Variants in DNAJC1 observed in about 807,000 individuals in gnomAD.
DNAJC1 encodes DnaJ heat shock protein family (Hsp40) member C1.
Under a neutral mutation model 76.6 loss-of-function variants are expected in DNAJC1, and 58 were observed. That is an observed-to-expected ratio of 0.76 (90% CI 0.61 to 0.94). The LOEUF (loss-of-function observed/expected upper bound fraction) is 0.94. DNAJC1 is among the 40% of genes least tolerant of loss of function. The pLI is 0.00. For missense variants in DNAJC1, 689 were observed against 677.3 expected (o/e 1.02, Z -0.19); for synonymous variants, 258 against 267.9 (o/e 0.96, Z 0.36).
intron 8 of DNAJC1, among the ~76,000 whole-genome samples, chr10:21,820,454 T>C (rs1462199669): frequency 6.6e-6 from 1 of 152,208 alleles, no homozygotes; most frequent in Non-Finnish European, 1.5e-5. Flanking sequence ...ACTTTCAAAC[T>C]GTGTTTTTCC....
Position 21,759,444 on chromosome 10 carries a change from C to T in DNAJC1, c.1322G>A (p.Arg441Gln), listed in dbSNP as rs199749424. 1.1e-4 allele frequency: 176 copies of T among 1,614,156 alleles called. 2 individuals carry two copies. Among genetic ancestry groups the T allele is most frequent in the Admixed American group, 2.7e-4 (16 of 60,030 alleles). The change falls in exon 11 of 12, where the codon CGG becomes CAG. Residue 441 changes from arginine (R) to glutamine (Q), a missense_variant. Physicochemically the swap from Arg to Gln is conservative, Grantham distance 43. Transcript: ENST00000376980. ...CCTGGCTGGCTTCCGCCTCCGAGGC[C>T]GGGCATCAGTGGCCCCGGTCTCCTG... ...GEQETGATDA[R>Q]PRRRKPARLL...
At chr10:21,907,686 T>C (rs1267438283) in intron 6 of DNAJC1, among the ~76,000 whole-genome samples, 1 of 152,006 alleles carries the variant, frequency 6.6e-6, no homozygotes, top group East Asian at 1.9e-4. Context: ...TGGATCAATA[T>C]GAGGAAGAAG....
chr10:21,920,582 A>AT, intron 4 of DNAJC1: 1 of 374,762 alleles, frequency 2.7e-6, no homozygotes, highest in Non-Finnish European at 4.5e-6. Context: ...ACAAAGTTTT[A>AT]TAACAAACTT....
chr10:21,839,704 C>G (rs1044603791), intron 8 of DNAJC1, among the ~76,000 whole-genome samples: 1 of 152,154 alleles, frequency 6.6e-6, no homozygotes, highest in African/African-American at 2.4e-5. Flanking sequence ...CCTTCTGAAA[C>G]TATTCCAATC....
intron 1 of DNAJC1, among the ~76,000 whole-genome samples, chr10:21,999,748 C>T (rs1283426544): frequency 1.3e-5 from 2 of 152,144 alleles, no homozygotes; most frequent in African/African-American, 2.4e-5. Flanking sequence ...CCACCACACC[C>T]GGCTCCTTGA....
At chr10:21,954,972 A>G (rs770306041) in intron 1 of DNAJC1, among the ~76,000 whole-genome samples, 1 of 152,112 alleles carries the variant, frequency 6.6e-6, no homozygotes, top group African/African-American at 2.4e-5. Flanking sequence ...CCTTGGCACT[A>G]TTGACATTTC....
At chr10:21,932,373 T>C (rs551106996) in intron 1 of DNAJC1, among the ~76,000 whole-genome samples, 2 of 152,068 alleles carry the variant, frequency 1.3e-5, no homozygotes, top group Admixed American at 1.3e-4. Flanking sequence ...CTGAAAATAA[T>C]GTAAGCTTAT....
intron 8 of DNAJC1, among the ~76,000 whole-genome samples, chr10:21,836,962 C>A (rs1835470898): frequency 6.6e-6 from 1 of 152,218 alleles, no homozygotes; most frequent in African/African-American, 2.4e-5. Flanking sequence ...TGATGCCGAG[C>A]CGAAGCTAGA....
At chr10:21,902,511 T>C (rs1333328045) in intron 7 of DNAJC1, among the ~76,000 whole-genome samples, 1 of 152,056 alleles carries the variant, frequency 6.6e-6, no homozygotes, top group African/African-American at 2.4e-5. Context: ...CACCATGTTG[T>C]CCAGGTGGGT....
At chr10:21,982,879 T>G (rs181234984) in intron 1 of DNAJC1, among the ~76,000 whole-genome samples, 1 of 152,284 alleles carries the variant, frequency 6.6e-6, no homozygotes, top group Non-Finnish European at 1.5e-5. Flanking sequence ...ATTGTGACCC[T>G]TTCTCTACAA....
chr10:21,779,838 A>G (rs567141888), intron 9 of DNAJC1, among the ~76,000 whole-genome samples: 1 of 152,268 alleles, frequency 6.6e-6, no homozygotes, highest in Non-Finnish European at 1.5e-5. Flanking sequence ...AAGAAGCTAA[A>G]AACCTTGAAA....
At chr10:21,912,403 C>T (rs543693707) in intron 6 of DNAJC1, among the ~76,000 whole-genome samples, 1 of 152,192 alleles carries the variant, frequency 6.6e-6, no homozygotes, top group East Asian at 1.9e-4. Flanking sequence ...TTACAAAACT[C>T]TATAGTCTGT....
rs1005433148 is a variant in DNAJC1, at chr10:21,796,667, T to A, written c.1098+9313A>T. On this transcript the variant is annotated intron_variant, in intron 9 of 11. Coordinates refer to ENST00000376980, the MANE Select transcript of DNAJC1 (RefSeq NM_022365.4). Reference sequence around the variant, plus strand: ...GTCCTAAGAGGTGTGAAGTATCTTATTGTCATTTTGATTTCTATTTCCCTA... The same window carrying A: ...GTCCTAAGAGGTGTGAAGTATCTTAATGTCATTTTGATTTCTATTTCCCTA... Among the ~76,000 whole-genome samples, 6 of 152,184 alleles carry A rather than the reference T, an allele frequency of 3.9e-5. No individual in the cohort carries two copies. The East Asian group carries it at 9.6e-4, about 24-fold the overall frequency.
At chr10:21,833,337 G>A (rs1454800569) in intron 8 of DNAJC1, among the ~76,000 whole-genome samples, 1 of 152,158 alleles carries the variant, frequency 6.6e-6, no homozygotes, top group Non-Finnish European at 1.5e-5. Flanking sequence ...TGGGCATGGT[G>A]ACGGGCGCCT....
At position 21,813,024 on chromosome 10, in the gene DNAJC1, CAT is replaced by C. The variant is rs1158936139; in HGVS notation, c.979-6927_979-6926del. Reference sequence around the variant, plus strand: ...AAATGATAAAAGACATATACACACACATACACACACACACACACACACACACA... The same window carrying C: ...AAATGATAAAAGACATATACACACACACACACACACACACACACACACACA... On this transcript the variant is annotated intron_variant, in intron 8 of 11. Coordinates refer to ENST00000376980, the MANE Select transcript of DNAJC1 (RefSeq NM_022365.4). Among the ~76,000 whole-genome samples, 16 of 78,990 alleles carry C rather than the reference CAT, an allele frequency of 2.0e-4. No homozygotes were observed. In the East Asian group the frequency reaches 2.3e-3, roughly 11 times the overall value. The allele number at this position is 78,990 out of a possible 152,430, so 51.8% of individuals were successfully genotyped here.
chr10:21,902,814 TA>T (rs11350822), intron 7 of DNAJC1, among the ~76,000 whole-genome samples: 1,793 of 152,340 alleles, frequency 0.012, 28 homozygotes, highest in African/African-American at 0.032. Context: ...AAAATTATAA[TA>T]TTTTTTTTAA....
intron 7 of DNAJC1, among the ~76,000 whole-genome samples, chr10:21,883,150 T>A (rs1346329315): frequency 1.3e-5 from 2 of 151,964 alleles, no homozygotes; most frequent in Non-Finnish European, 2.9e-5. Context: ...CTTGGGAAGC[T>A]GAGGCATGAG....
intron 10 of DNAJC1, among the ~76,000 whole-genome samples, chr10:21,761,394 T>TA (rs1834238814): frequency 1.3e-5 from 2 of 151,904 alleles, no homozygotes; most frequent in African/African-American, 4.8e-5. Flanking sequence ...ACCCTGTCTC[T>TA]ACAAAAATGC....
At chr10:21,996,723 T>G (rs896010405) in intron 1 of DNAJC1, among the ~76,000 whole-genome samples, 2 of 152,218 alleles carry the variant, frequency 1.3e-5, no homozygotes, top group African/African-American at 4.8e-5. Flanking sequence ...AGAAAGTCTC[T>G]GTTCCATCAG....
Sources: allele counts gnomAD v4.1 joint callset (sites outside exome capture counted in the v4.1 genomes callset), GRCh38; gene constraint gnomAD v4.1.1; transcripts MANE v1.5; gene names NCBI Gene and HGNC (gene_info 2026-07-23, HGNC 2026-07-21).